The following TMEM67 variants were observed in gnomAD, a reference collection of about 807,000 sequenced individuals.
TMEM67 encodes the protein meckelin.
Under a neutral mutation model 136.6 loss-of-function variants are expected in TMEM67, and 124 were observed. The ratio of observed to expected loss-of-function variants is 0.91; its 90% CI spans 0.78 to 1.05. The LOEUF is 1.05. TMEM67 is among the 50% of genes least tolerant of loss of function. The pLI is 0.00. For missense variants in TMEM67, 1,107 were observed against 1,178.4 expected (o/e 0.94, Z 0.89); for synonymous variants, 364 against 390.5 (o/e 0.93, Z 0.80).
chr8:93,769,706 A>G (rs1813249099), intron 6 of TMEM67: 1 of 166,586 alleles, frequency 6.0e-6, no homozygotes, highest in African/African-American at 2.4e-5. Context: ...TGTACTTGTA[A>G]GTCAGTCAGA....
At chr8:93,831,657 A>T in the TMEM67 span, among the ~76,000 whole-genome samples, 1 of 151,916 alleles carries the variant, frequency 6.6e-6, no homozygotes, top group South Asian at 2.1e-4. Context: ...GGTGTGCATG[A>T]GTGCATGCAT....
chr8:93,798,943 G>A (rs1223774005), intron 20 of TMEM67, among the ~76,000 whole-genome samples: 1 of 3,900 alleles, frequency 2.6e-4, no homozygotes, highest in Non-Finnish European at 4.9e-4. Flanking sequence ...TACTAAAGTA[G>A]TGTGTGTGTG....
chr8:93,781,845 T>C, intron 10 of TMEM67, 101 bp downstream of exon 10: 1 of 598,676 alleles, frequency 1.7e-6, no homozygotes, highest in African/African-American at 1.9e-5. Context: ...ATCAGTTACA[T>C]ACTACAGTTG....
downstream of TMEM67, among the ~76,000 whole-genome samples, chr8:93,823,738 C>CT (rs1376662541): frequency 6.6e-6 from 1 of 151,984 alleles, no homozygotes; most frequent in Non-Finnish European, 1.5e-5. Context: ...TACTTAGAGT[C>CT]AAGAATATAG....
chr8:93,803,792 C>T, intron 22 of TMEM67, 108 bp downstream of exon 22: 2 of 721,262 alleles, frequency 2.8e-6, no homozygotes, highest in South Asian at 2.9e-5. Context: ...AATTTTTGGG[C>T]CAATTTTCCA....
rs769957689 is a variant in TMEM67, at chr8:93,780,741, C to A, written c.863C>A (p.Ser288Ter). ...TAGLSTVHSI[S>*]FWRQNLPWLF... ...GGACTGAGCACTGTTCATTCTATTT[C>A]ATTTTGGTAAGGATATTTTGATTGA... The change falls in exon 8 of 28, where the codon TCA becomes TAA. Residue 288 changes from serine to a stop codon, truncating the protein, a stop_gained. Coordinates refer to ENST00000453321, the MANE Select transcript of TMEM67 (RefSeq NM_153704.6). LOFTEE classifies it high-confidence loss of function. The A allele has an allele frequency of 3.7e-6, 6 of 1,613,758 alleles. No individual in the cohort carries two copies. The Admixed American group carries it at 1.0e-4, about 27-fold the overall frequency.
intron 7 of TMEM67, among the ~76,000 whole-genome samples, chr8:93,779,225 C>G (rs1032094231): frequency 1.3e-5 from 2 of 152,202 alleles, no homozygotes; most frequent in Non-Finnish European, 2.9e-5. Context: ...AAGGTCTTCT[C>G]TACACTGTTT....
chr8:93,801,297 G>A (rs1451097701), intron 21 of TMEM67, among the ~76,000 whole-genome samples: 1 of 151,520 alleles, frequency 6.6e-6, no homozygotes, highest in East Asian at 1.9e-4. Context: ...TACAGTGATG[G>A]AATCATAGTT....
At position 93,765,481 on chromosome 8, in the gene TMEM67, G is replaced by A. The variant is rs1813041095; in HGVS notation, c.576+6G>A. 6.2e-7 allele frequency: 1 copy of A among 1,611,210 alleles called. No homozygotes were observed. The highest frequency in any genetic ancestry group is 8.5e-7 in the Non-Finnish European group (1 of 1,178,704). On this transcript the variant is annotated splice_donor_region_variant and intron_variant, in intron 5 of 27. Coordinates refer to ENST00000453321, the MANE Select transcript of TMEM67 (RefSeq NM_153704.6). ...GTTCAGAACCTAACATTTTAGTAAG[G>A]CTAACCAAATTGATAAAGTATATAT...
the TMEM67 span, among the ~76,000 whole-genome samples, chr8:93,824,854 A>G: frequency 6.6e-6 from 1 of 152,146 alleles, no homozygotes; most frequent in Non-Finnish European, 1.5e-5. Flanking sequence ...AGCTGGGATT[A>G]CAGGCATGTG....
Position 93,754,994 on chromosome 8 carries a change from T to C in TMEM67, c.80T>C (p.Leu27Pro), listed in dbSNP as rs776381148. 1 of 1,614,238 alleles carries C rather than the reference T, an allele frequency of 6.2e-7. No individual in the cohort carries two copies. Among genetic ancestry groups the C allele is most frequent in the South Asian group, 1.1e-5 (1 of 91,088 alleles). The stretch of plus-strand genomic sequence containing the variant: ...GCCCGGGCCGTGACCGCGTTCCTTC[T>C]GTTGTTCCTCCCTCGCTTCTTACAG... Reference protein sequence around the residue: ...LSARAVTAFLLLFLPRFLQAQ... With the variant: ...LSARAVTAFLPLFLPRFLQAQ... The change falls in exon 1 of 28, where the codon CTG becomes CCG. Residue 27 changes from leucine (L) to proline (P), a missense_variant. By Grantham distance (98) the Leu-to-Pro change is moderately conservative. This residue lies in a region of TMEM67 where 178 missense variants were observed against 159.2 expected (regional missense o/e 1.12). Transcript: ENST00000453321.
chr8:93,809,715 A>G lies in TMEM67; in HGVS notation c.2662-70A>G, dbSNP rs977627895. On this transcript the variant is annotated intron_variant, in intron 25 of 27. Coordinates refer to ENST00000453321, the MANE Select transcript of TMEM67 (RefSeq NM_153704.6). ...TCATTTTTCATTTTCTCTCCTGCTGATTTTACATTAATTGCAAAGCATTTA... is the reference window on the plus strand; with the variant it reads ...TCATTTTTCATTTTCTCTCCTGCTGGTTTTACATTAATTGCAAAGCATTTA... The G allele has an allele frequency of 1.0e-4, 92 of 915,452 alleles. No homozygotes were observed. The East Asian group carries it at 2.3e-3, about 22-fold the overall frequency. 56.7% of individuals were successfully genotyped at this position (915,452 alleles called of 1,614,324 possible).
chr8:93,769,237 G>A (rs1271324632), intron 6 of TMEM67, among the ~76,000 whole-genome samples: 2 of 152,180 alleles, frequency 1.3e-5, no homozygotes, highest in Non-Finnish European at 2.9e-5. Flanking sequence ...GCAAGGCAAC[G>A]GCCATAGGAG....
rs1351667657 is a variant in TMEM67, at chr8:93,755,602, C to T, written c.224-176C>T. The stretch of plus-strand genomic sequence containing the variant: ...CTGAGTAGGATTACTACGATTGGAA[C>T]TCAAGAAGTGTATTTCTGGATTTGA... On this transcript the variant is annotated intron_variant, in intron 1 of 27. Transcript: ENST00000453321. Among the ~76,000 whole-genome samples the T allele has an allele frequency of 2.0e-5, 3 of 152,154 alleles. No homozygotes were observed. The East Asian group carries it at 5.8e-4, about 29-fold the overall frequency.
Position 93,817,885 on chromosome 8 carries a change from A to C in TMEM67, c.*1433A>C, listed in dbSNP as rs539776425. On this transcript the variant is annotated 3_prime_UTR_variant, in exon 28 of 28. Transcript: ENST00000453321. ...GCTGCAGAGATAAATACATGTACTTATATGGCATGGATATTTAAAACCACT... is the reference window on the plus strand; with the variant it reads ...GCTGCAGAGATAAATACATGTACTTCTATGGCATGGATATTTAAAACCACT... 6.6e-6 allele frequency: 1 copy of C among 152,352 alleles called. No homozygotes were observed. Among genetic ancestry groups the C allele is most frequent in the East Asian group, 1.9e-4 (1 of 5,190 alleles). The allele number at this position is 152,352 out of a possible 1,614,324, so 9.4% of individuals were successfully genotyped here.
At chr8:93,770,077 C>A (rs138823798) in intron 6 of TMEM67, among the ~76,000 whole-genome samples, 2 of 152,186 alleles carry the variant, frequency 1.3e-5, no homozygotes, top group Non-Finnish European at 2.9e-5. Context: ...GAAATAGCTT[C>A]ATGGTTTTTG....
In TMEM67 at chr8:93,795,883, A is replaced by C; in HGVS notation, c.1774-18A>C. The C allele has an allele frequency of 1.3e-6, 2 of 1,514,780 alleles. No individual in the cohort carries two copies. The highest frequency in any genetic ancestry group is 1.8e-6 in the Non-Finnish European group (2 of 1,095,078). The allele number at this position is 1,514,780 out of a possible 1,614,324, so 93.8% of individuals were successfully genotyped here. Reference sequence around the variant, plus strand: ...AAACTGTGTGTGATAATATTTAATCAAGTAATTTTTATTATAGGCACAGAA... The same window carrying C: ...AAACTGTGTGTGATAATATTTAATCCAGTAATTTTTATTATAGGCACAGAA... On this transcript the variant is annotated intron_variant, in intron 17 of 27. Coordinates refer to ENST00000453321, the MANE Select transcript of TMEM67 (RefSeq NM_153704.6).
intron 6 of TMEM67, among the ~76,000 whole-genome samples, chr8:93,766,378 A>G (rs1813083617): frequency 6.6e-6 from 1 of 152,176 alleles, no homozygotes; most frequent in Non-Finnish European, 1.5e-5. Context: ...TTGGCCTCCC[A>G]AAGTGCTGGG....
chr8:93,769,345 C>T (rs542777798), intron 6 of TMEM67, among the ~76,000 whole-genome samples: 57 of 152,346 alleles, frequency 3.7e-4, no homozygotes, highest in African/African-American at 1.2e-3. Context: ...ATTCCATATC[C>T]CTGCATCCCA....
Sources: gnomAD v4.1 joint callset for allele counts (sites outside exome capture counted in the v4.1 genomes callset) on GRCh38, gnomAD v4.1.1 for gene constraint, gnomAD v4.1.1 regional missense constraint, MANE v1.5 for transcripts, NCBI Gene and HGNC (gene_info 2026-07-23, HGNC 2026-07-21) for gene names.